Variants in AMOTL2 observed in about 807,000 individuals in gnomAD.
AMOTL2 encodes the protein angiomotin-like protein 2.
A neutral mutation model predicts 78.4 loss-of-function variants in AMOTL2; 33 were observed. The ratio of observed to expected loss-of-function variants is 0.42; its 90% CI spans 0.32 to 0.56. The LOEUF is 0.56. AMOTL2 is among the 20% of genes least tolerant of loss of function. The pLI is 0.12. For synonymous variants in AMOTL2, 422 were observed against 428.8 expected (o/e 0.98, Z 0.20); for missense variants, 983 against 1,030.1 (o/e 0.95, Z 0.63).
chr3:134,367,451 G>C, intron 3 of AMOTL2, 46 bp downstream of exon 3: 2 of 1,593,872 alleles, frequency 1.3e-6, no homozygotes, highest in African/African-American at 1.4e-5. Flanking sequence ...GTAGCCCCTC[G>C]GGGTCTCTTT....
chr3:134,358,477 C>T, intron 9 of AMOTL2, 63 bp downstream of exon 9: 3 of 1,540,056 alleles, frequency 1.9e-6, no homozygotes, highest in Non-Finnish European at 2.6e-6. Context: ...CCTTGTGTTC[C>T]AGTTCACACC....
intron 5 of AMOTL2, among the ~76,000 whole-genome samples, chr3:134,363,288 T>C (rs2017453046): frequency 6.8e-6 from 1 of 147,820 alleles, no homozygotes; most frequent in South Asian, 2.1e-4. Flanking sequence ...GGTATCATTC[T>C]GTGGCATGGA....
At position 134,360,217 on chromosome 3, in the gene AMOTL2, G is replaced by A. The variant is rs1220389083; in HGVS notation, c.1772C>T (p.Ala591Val). Residue 591 changes from alanine to valine, a missense_variant, in exon 7 of 10, where the codon GCT becomes GTT. By Grantham distance (64) the Ala-to-Val change is moderately conservative. Coordinates refer to ENST00000249883, the MANE Select transcript of AMOTL2 (RefSeq NM_016201.4). ...GATGAGAGTGGTGTCACGCTGAGCAGCAGCCGTGGCAGCCGCATCCATGGC... is the reference window on the plus strand; with the variant it reads ...GATGAGAGTGGTGTCACGCTGAGCAACAGCCGTGGCAGCCGCATCCATGGC... ...QFAMDAAATAAAQRDTTLIRH... is the reference protein window; with the variant it reads ...QFAMDAAATAVAQRDTTLIRH... 2 of 1,613,642 alleles carry A rather than the reference G, an allele frequency of 1.2e-6. No individual in the cohort carries two copies. Among genetic ancestry groups the A allele is most frequent in the Non-Finnish European group, 1.7e-6 (2 of 1,179,954 alleles).
At chr3:134,369,334 C>T (rs973324395) in intron 2 of AMOTL2, among the ~76,000 whole-genome samples, 2 of 152,192 alleles carry the variant, frequency 1.3e-5, no homozygotes, top group African/African-American at 2.4e-5. Context: ...TTGGGGATGA[C>T]TTAGCTCTGA....
chr3:134,375,288 T>C, upstream of AMOTL2: 1 of 1,516,376 alleles, frequency 6.6e-7, no homozygotes, highest in Non-Finnish European at 8.9e-7. Flanking sequence ...CCGCTGGCTT[T>C]TCGCCCAGTC....
chr3:134,368,530 G>T (rs912828650), intron 2 of AMOTL2, among the ~76,000 whole-genome samples: 4 of 152,186 alleles, frequency 2.6e-5, no homozygotes, highest in African/African-American at 9.7e-5. Context: ...GAGTGCCTCA[G>T]CCCCACAGAC....
intron 7 of AMOTL2, 88 bp from the exon 8 acceptor site, chr3:134,359,591 G>A: frequency 3.9e-6 from 4 of 1,013,064 alleles, no homozygotes; most frequent in Non-Finnish European, 5.8e-6. Context: ...TAGAGGAAAA[G>A]CCCCCCCCAA....
rs1409456167 is a variant in AMOTL2 at position 134,360,423 on chromosome 3, AAGG to A, written c.1576-13_1576-11del. On this transcript the variant is annotated splice_polypyrimidine_tract_variant and intron_variant, in intron 6 of 9. Transcript: ENST00000249883. ...GGGCACCTGCCTGTCTCTGCAGAGCAAGGAGTAGAGACCGTGGTCAAGGGTGCA... is the reference window on the plus strand; with the variant it reads ...GGGCACCTGCCTGTCTCTGCAGAGCAAGTAGAGACCGTGGTCAAGGGTGCA... 6.2e-7 allele frequency: 1 copy of A among 1,605,784 alleles called. No individual in the cohort carries two copies. The highest frequency in any genetic ancestry group is 8.5e-7 in the Non-Finnish European group (1 of 1,176,018).
At chr3:134,365,692 G>C (rs2017573677) in intron 5 of AMOTL2, 125 bp downstream of exon 5, 2 of 791,298 alleles carry the variant, frequency 2.5e-6, no homozygotes, top group Non-Finnish European at 4.1e-6. Flanking sequence ...GCATACAGTG[G>C]GCAGTAAACC....
In AMOTL2 at chr3:134,362,377, T is replaced by C. The variant is rs142951637; in HGVS notation, c.1280-570A>G. On this transcript the variant is annotated intron_variant, in intron 5 of 9. Coordinates refer to ENST00000249883, the MANE Select transcript of AMOTL2 (RefSeq NM_016201.4). The stretch of plus-strand genomic sequence containing the variant: ...ATCCCCAACTTATAGGGGAGAAACA[T>C]AGGAGGTGAATGGTGCTGCCAAATG... Among the ~76,000 whole-genome samples the C allele has an allele frequency of 2.6e-3, 395 of 152,122 alleles. 3 individuals are homozygous for C. Among genetic ancestry groups the C allele is most frequent in the African/African-American group, 8.8e-3 (363 of 41,484 alleles).
intron 5 of AMOTL2, among the ~76,000 whole-genome samples, chr3:134,362,514 CG>C (rs1178940854): frequency 6.6e-6 from 1 of 152,092 alleles, no homozygotes; most frequent in Non-Finnish European, 1.5e-5. Flanking sequence ...AGACCCAGGC[CG>C]AGAGGTCCGT....
chr3:134,358,972 A>G (rs905086033), intron 8 of AMOTL2, among the ~76,000 whole-genome samples: 2 of 152,258 alleles, frequency 1.3e-5, no homozygotes, highest in African/African-American at 4.8e-5. Context: ...GCATCTGCTT[A>G]GAAGGAAGAG....
chr3:134,360,205 T>C lies in AMOTL2; in HGVS notation c.1784A>G (p.Asp595Gly). The C allele has an allele frequency of 6.2e-7, 1 of 1,614,134 alleles. No homozygotes were observed. Residue 595 changes from aspartate to glycine, a missense_variant, in exon 7 of 10, where the codon GAC (aspartate) becomes GGC (glycine). Coordinates refer to ENST00000249883, the MANE Select transcript of AMOTL2 (RefSeq NM_016201.4). The part of the protein sequence containing the change: ...DAAATAAAQR[D>G]TTLIRHSPQP... ...GGGGGAATGTCGGATGAGAGTGGTGTCACGCTGAGCAGCAGCCGTGGCAGC... is the reference window on the plus strand; with the variant it reads ...GGGGGAATGTCGGATGAGAGTGGTGCCACGCTGAGCAGCAGCCGTGGCAGC...
At chr3:134,374,029 C>G (rs1014587077) in intron 1 of AMOTL2, 5 of 193,572 alleles carry the variant, frequency 2.6e-5, no homozygotes, top group African/African-American at 1.2e-4. Flanking sequence ...CCGCCACCCC[C>G]ACCCCCGCCG....
intron 4 of AMOTL2, 86 bp from the exon 5 acceptor site, chr3:134,365,995 G>A: frequency 1.5e-6 from 2 of 1,373,802 alleles, no homozygotes; most frequent in Non-Finnish European, 1.0e-6. Context: ...GGATGGGGCT[G>A]TATCCTCCAT....
Position 134,361,700 on chromosome 3 carries a change from C to G in AMOTL2, c.1387G>C (p.Gly463Arg), listed in dbSNP as rs758794443. ...RRAELLEQAL[G>R]NAQGRAARAE... ...CGAGCTGCCCGGCCCTGCGCATTGCCCAGAGCCTGCTCCAGCAGCTCGGCA... is the reference window on the plus strand; with the variant it reads ...CGAGCTGCCCGGCCCTGCGCATTGCGCAGAGCCTGCTCCAGCAGCTCGGCA... Residue 463 changes from glycine to arginine, a missense_variant, in exon 6 of 10, where the codon GGC (glycine) becomes CGC (arginine). Gly to Arg is a moderately radical substitution (Grantham distance 125). Coordinates refer to ENST00000249883, the MANE Select transcript of AMOTL2 (RefSeq NM_016201.4). 3 of 1,610,698 alleles carry G rather than the reference C, an allele frequency of 1.9e-6. No individual in the cohort carries two copies. Among genetic ancestry groups the G allele is most frequent in the Non-Finnish European group, 2.5e-6 (3 of 1,179,282 alleles).
chr3:134,368,137 G>A (rs2017692927), intron 2 of AMOTL2, among the ~76,000 whole-genome samples: 1 of 152,050 alleles, frequency 6.6e-6, no homozygotes, highest in Non-Finnish European at 1.5e-5. Context: ...GGCCTCCTAA[G>A]CAACTAATGC....
chr3:134,363,163 C>T lies in AMOTL2; in HGVS notation c.1280-1356G>A, dbSNP rs2017445587. Reference sequence around the variant, plus strand: ...GAAGGGTGAAGGCTTGAGACCTTGGCATGTGGAAGGGAGGATTCATTTACT... The same window carrying T: ...GAAGGGTGAAGGCTTGAGACCTTGGTATGTGGAAGGGAGGATTCATTTACT... On this transcript the variant is annotated intron_variant, in intron 5 of 9. Coordinates refer to ENST00000249883, the MANE Select transcript of AMOTL2 (RefSeq NM_016201.4). Among the ~76,000 whole-genome samples, 4 of 152,134 alleles carry T rather than the reference C, an allele frequency of 2.6e-5. No homozygotes were observed. The East Asian group carries it at 7.7e-4, about 29-fold the overall frequency.
In AMOTL2 at chr3:134,365,823, C is replaced by T; in HGVS notation, c.1273G>A (p.Ala425Thr). 1.2e-6 allele frequency: 2 copies of T among 1,613,994 alleles called. No individual in the cohort carries two copies. The highest frequency in any genetic ancestry group is 1.7e-6 in the Non-Finnish European group (2 of 1,179,984). ...TAGTGGGGCCCCTACTCACTCTGAGCAAGCAGCTTGGCCACCATGTCCTGA... is the reference window on the plus strand; with the variant it reads ...TAGTGGGGCCCCTACTCACTCTGAGTAAGCAGCTTGGCCACCATGTCCTGA... ...GSQDMVAKLLAQSYEQQQEQE... is the reference protein window; with the variant it reads ...GSQDMVAKLLTQSYEQQQEQE... Residue 425 changes from alanine to threonine, a missense_variant, in exon 5 of 10, where the codon GCT becomes ACT. Physicochemically the swap from Ala to Thr is moderately conservative, Grantham distance 58. Coordinates refer to ENST00000249883, the MANE Select transcript of AMOTL2 (RefSeq NM_016201.4).
Sources: allele counts gnomAD v4.1 joint callset (sites outside exome capture counted in the v4.1 genomes callset), GRCh38; gene constraint gnomAD v4.1.1; transcripts MANE v1.5; gene names NCBI Gene and HGNC (gene_info 2026-07-23, HGNC 2026-07-21).